SPEG: variants seen among roughly 807,000 people sequenced by gnomAD.
SPEG encodes the protein striated muscle preferentially expressed protein kinase.
SPEG carries 114 observed loss-of-function variants against 300.4 expected under a neutral mutation model. The observed-to-expected ratio is 0.38, with a 90% CI of 0.33 to 0.44. SPEG has a LOEUF of 0.44. SPEG is among the 20% of genes least tolerant of loss of function. The pLI, the probability that SPEG is intolerant of heterozygous loss-of-function variation, is 1.00. For missense variants in SPEG, 4,201 were observed against 4,586.2 expected, an observed-to-expected ratio of 0.92 and a Z score of 2.43; for synonymous variants, 1,964 against 2,018.9, an observed-to-expected ratio of 0.97 and a Z score of 0.73.
intron 4 of SPEG, among the ~76,000 whole-genome samples, chr2:219,450,409 C>T (rs1027072989): frequency 1.3e-5 from 2 of 152,188 alleles, no homozygotes; most frequent in African/African-American, 4.8e-5. Flanking sequence ...TGGCTATGTA[C>T]ATTGTCCTTT....
At chr2:219,478,349 C>G (rs1439745433) in intron 22 of SPEG, among the ~76,000 whole-genome samples, 1 of 152,172 alleles carries the variant, frequency 6.6e-6, no homozygotes, top group Non-Finnish European at 1.5e-5. Context: ...CCTATTTAAT[C>G]CCATATATTC....
In SPEG at chr2:219,477,716, T is replaced by C. The variant is rs1474995371; in HGVS notation, c.4757T>C (p.Val1586Ala). 6.2e-7 allele frequency: 1 copy of C among 1,602,068 alleles called. No homozygotes were observed. ...CAGACAGCTATGGAGGTCGAGGGGG[T>C]CGGGGAGGATGAGGACCATCGAGGA... ...SAQTAMEVEG[V>A]GEDEDHRGRR... Residue 1586 changes from valine to alanine, a missense_variant, in exon 21 of 41, where the codon GTC (valine) becomes GCC (alanine). Around this residue, in one of 4 missense-constraint regions of SPEG, gnomAD observed 1,047 missense variants for 1,356.8 expected, o/e 0.77. Transcript: ENST00000312358. This position sits in a 1 kb window ranked among gnomAD's most constrained non-coding sequence, Gnocchi z 6.4.
chr2:219,485,068 C>A lies in SPEG; in HGVS notation c.7605C>A (p.Ser2535=). 1 of 1,532,432 alleles carries A rather than the reference C, an allele frequency of 6.5e-7. No homozygotes were observed. The highest frequency in any genetic ancestry group is 8.7e-7 in the Non-Finnish European group (1 of 1,145,978). The allele number at this position is 1,532,432 out of a possible 1,614,324, so 94.9% of individuals were successfully genotyped here. A position where few individuals can be genotyped will look rare whatever the true frequency, so the allele number is the denominator to read the frequency against. ...CCGAGGCCAGCGCCACGTCGGGCTCCTCAGGTGAGGAGGGGCAGGGGTAGG... is the reference window on the plus strand; with the variant it reads ...CCGAGGCCAGCGCCACGTCGGGCTCATCAGGTGAGGAGGGGCAGGGGTAGG... ...LGSEASATSG[S]SAPGESRSRL... is the part of the protein sequence containing the mutation. The change falls in exon 30 of 41, where the codon TCC becomes TCA. Residue 2535 remains serine, a synonymous_variant. Transcript: ENST00000312358.
chr2:219,474,654 CAAA>C (rs1692181712), intron 18 of SPEG, among the ~76,000 whole-genome samples: 2 of 152,180 alleles, frequency 1.3e-5, no homozygotes, highest in Non-Finnish European at 2.9e-5. Flanking sequence ...TCAGATATAA[CAAA>C]CATGGGAAGA....
At chr2:219,455,630 A>AC (rs1011402002) in intron 6 of SPEG, among the ~76,000 whole-genome samples, 5 of 151,406 alleles carry the variant, frequency 3.3e-5, no homozygotes, top group African/African-American at 1.2e-4. Context: ...ACACTATCCC[A>AC]CCCCCCTTTC....
intron 4 of SPEG, among the ~76,000 whole-genome samples, chr2:219,449,676 A>G (rs946842823): frequency 6.6e-6 from 1 of 152,116 alleles, no homozygotes; most frequent in African/African-American, 2.4e-5. Flanking sequence ...TCTGTTGGGG[A>G]GAGATGGTAG....
chr2:219,465,158 C>T (rs1575109451), intron 9 of SPEG: 2 of 153,264 alleles, frequency 1.3e-5, no homozygotes, highest in African/African-American at 4.8e-5. Flanking sequence ...GTGAAGAGGC[C>T]TGGGCCCCCA....
rs1689517092 is a variant in SPEG, at chr2:219,448,823, G to T, written c.1665G>T (p.Pro555=). 1 of 1,400,144 alleles carries T rather than the reference G, an allele frequency of 7.1e-7. No individual in the cohort carries two copies. Among genetic ancestry groups the T allele is most frequent in the Non-Finnish European group, 9.2e-7 (1 of 1,085,214 alleles). The allele number at this position is 1,400,144 out of a possible 1,614,324, so 86.7% of individuals were successfully genotyped here. The change falls in exon 4 of 41, where the codon CCG becomes CCT. Residue 555 remains proline, a synonymous_variant. Coordinates refer to ENST00000312358, the MANE Select transcript of SPEG (RefSeq NM_005876.5). ...CCGTGAGCCCCGCCGCCGCCCAGCCGCCCTCTCCGAGCAGCGCGGAGAAGC... is the reference window on the plus strand; with the variant it reads ...CCGTGAGCCCCGCCGCCGCCCAGCCTCCCTCTCCGAGCAGCGCGGAGAAGC... ...SRAVSPAAAQ[P]PSPSSAEKPG... is the part of the protein sequence containing the mutation.
In SPEG at chr2:219,466,037, A is replaced by C. The variant is rs779064327; in HGVS notation, c.2882-1137A>C. ...GCACTAACCTGCCGCTTGCTGACTG[A>C]GGTTTTTGTCTGTACACAGGCGAGT... is the stretch of plus-strand genomic sequence containing the variant. On this transcript the variant is annotated intron_variant, in intron 9 of 40. Coordinates refer to ENST00000312358, the MANE Select transcript of SPEG (RefSeq NM_005876.5). 2.5e-6 allele frequency: 4 copies of C among 1,602,926 alleles called. No homozygotes were observed. The African/African-American group carries it at 5.3e-5, about 21-fold the overall frequency.
At position 219,451,173 on chromosome 2, in the gene SPEG, G is replaced by A. The variant is rs750758813; in HGVS notation, c.2151G>A (p.Glu717=). The A allele has an allele frequency of 1.2e-6, 2 of 1,613,874 alleles. No homozygotes were observed. The highest frequency in any genetic ancestry group is 1.7e-6 in the Non-Finnish European group (2 of 1,179,914). Residue 717 remains glutamate, a synonymous_variant, in exon 5 of 41, where the codon GAG becomes GAA. Coordinates refer to ENST00000312358, the MANE Select transcript of SPEG (RefSeq NM_005876.5). This position sits in a 1 kb window ranked among gnomAD's most constrained non-coding sequence, Gnocchi z 6.4. ...ACTCCTACGTGTCCGCTGGAGAAGA[G>A]CCCCTAGAGGCCCCTGTGTTTGAGA... ...SDDSYVSAGE[E]PLEAPVFEIP...
Position 219,484,114 on chromosome 2 carries a change from G to A in SPEG, c.6651G>A (p.Glu2217=). The change falls in exon 30 of 41, where the codon GAG becomes GAA. Residue 2217 remains glutamate, a synonymous_variant. Transcript: ENST00000312358. ...APQPAQDKAP[E]PRPEPVRASK... is the part of the protein sequence containing the mutation. ...AGCCTGCCCAAGACAAGGCTCCAGA[G>A]CCCAGGCCAGAACCAGTCCGAGCCT... The A allele has an allele frequency of 1.2e-6, 2 of 1,613,432 alleles. No individual in the cohort carries two copies. The highest frequency in any genetic ancestry group is 8.5e-7 in the Non-Finnish European group (1 of 1,179,916).
rs201000374 is a variant in SPEG at position 219,484,054 on chromosome 2, C to T, written c.6591C>T (p.Thr2197=). Residue 2197 remains threonine, a synonymous_variant, in exon 30 of 41, where the codon ACC becomes ACT. Coordinates refer to ENST00000312358, the MANE Select transcript of SPEG (RefSeq NM_005876.5). The part of the protein sequence containing the change: ...STPKSAEPSA[T]TPSDAPQPPA... The stretch of plus-strand genomic sequence containing the variant: ...CTAAGTCTGCAGAACCTTCTGCCAC[C>T]ACACCTAGTGATGCTCCGCAGCCCC... The T allele has an allele frequency of 1.7e-5, 28 of 1,613,720 alleles. No homozygotes were observed. In the East Asian group the frequency reaches 6.2e-4, roughly 36 times the overall value.
At chr2:219,437,960 T>C (rs539941872) in intron 1 of SPEG, among the ~76,000 whole-genome samples, 1 of 152,340 alleles carries the variant, frequency 6.6e-6, no homozygotes, top group South Asian at 2.1e-4. Context: ...CATGCTTTCC[T>C]GGCTGGGATT....
rs1692667626 is a variant in SPEG at position 219,479,842 on chromosome 2, G to A, written c.5145G>A (p.Val1715=). The change falls in exon 24 of 41, where the codon GTG becomes GTA. Residue 1715 remains valine, a synonymous_variant. Coordinates refer to ENST00000312358, the MANE Select transcript of SPEG (RefSeq NM_005876.5). This position sits in a 1 kb window ranked among gnomAD's most constrained non-coding sequence, Gnocchi z 5.5. Reference sequence around the variant, plus strand: ...TACACTACCTGCACCAGAGCCACGTGCTGCACCTCGATGTCAAGGTGAGGT... The same window carrying A: ...TACACTACCTGCACCAGAGCCACGTACTGCACCTCGATGTCAAGGTGAGGT... ...EGIHYLHQSH[V]LHLDVKPENL... 2 of 1,614,120 alleles carry A rather than the reference G, an allele frequency of 1.2e-6. No homozygotes were observed. Among genetic ancestry groups the A allele is most frequent in the Non-Finnish European group, 1.7e-6 (2 of 1,180,030 alleles).
At position 219,444,576 on chromosome 2, in the gene SPEG, G is replaced by A; in HGVS notation, c.389-77G>A. On this transcript the variant is annotated intron_variant, in intron 1 of 40. Transcript: ENST00000312358. This position sits in a 1 kb window ranked among gnomAD's most constrained non-coding sequence, Gnocchi z 7.8. ...GATAAGATGGAGCCTGCTGTTGGCA[G>A]GGAGGCAGAAGGCAATAGGGAAGAG... 1 of 1,245,628 alleles carries A rather than the reference G, an allele frequency of 8.0e-7. No homozygotes were observed. Among genetic ancestry groups the A allele is most frequent in the Non-Finnish European group, 1.2e-6 (1 of 853,392 alleles). 77.2% of individuals were successfully genotyped at this position (1,245,628 alleles called of 1,614,324 possible).
At chr2:219,440,643 G>C (rs1954838532) in intron 1 of SPEG, among the ~76,000 whole-genome samples, 1 of 151,790 alleles carries the variant, frequency 6.6e-6, no homozygotes, top group African/African-American at 2.4e-5. Context: ...TTGGAGTACA[G>C]TGGTGCGATC....
rs1354499874 is a variant in SPEG at position 219,445,929 on chromosome 2, C to G, written c.815+768C>G. Among the ~76,000 whole-genome samples the G allele has an allele frequency of 6.6e-6, 1 of 151,910 alleles. No individual in the cohort carries two copies. Among genetic ancestry groups the G allele is most frequent in the African/African-American group, 2.4e-5 (1 of 41,326 alleles). ...AGCGGAGGTGTTGGAGGCACTGGAG[C>G]CATTTTTGGAGATTTGGGGCTCGCA... On this transcript the variant is annotated intron_variant, in intron 3 of 40. Coordinates refer to ENST00000312358, the MANE Select transcript of SPEG (RefSeq NM_005876.5). This position sits in a 1 kb window ranked among gnomAD's most constrained non-coding sequence, Gnocchi z 6.1.
At position 219,489,401 on chromosome 2, in the gene SPEG, C is replaced by T. The variant is rs779953745; in HGVS notation, c.8383C>T (p.Arg2795Trp). 1.4e-5 allele frequency: 23 copies of T among 1,613,388 alleles called. No homozygotes were observed. Among genetic ancestry groups the T allele is most frequent in the South Asian group, 9.9e-5 (9 of 91,054 alleles). The change falls in exon 36 of 41, where the codon CGG (arginine) becomes TGG (tryptophan). Residue 2795 changes from arginine to tryptophan, a missense_variant. This residue lies in a region of SPEG where 1,578 missense variants were observed against 1,506.0 expected (regional missense o/e 1.05). Transcript: ENST00000312358. ...TGTCACCTCAAGGCCAGCCAGGGCC[C>T]GGCCTCCTGACTCTCCTACCTCACT... is the stretch of plus-strand genomic sequence containing the variant. ...APVTSRPARA[R>W]PPDSPTSLAP...
chr2:219,456,038 G>T (rs1418029657), intron 6 of SPEG, among the ~76,000 whole-genome samples: 2 of 152,214 alleles, frequency 1.3e-5, no homozygotes, highest in African/African-American at 2.4e-5. Context: ...GGTTTTCTTG[G>T]CTGTAAAGTG....
Sources: allele counts gnomAD v4.1 joint callset (sites outside exome capture counted in the v4.1 genomes callset), GRCh38; gene constraint gnomAD v4.1.1; regional missense constraint gnomAD v4.1.1; non-coding constraint Gnocchi (gnomAD v3.1); transcripts MANE v1.5; gene names NCBI Gene and HGNC (gene_info 2026-07-23, HGNC 2026-07-21).